The following RERG variants were observed in gnomAD, a reference collection of about 807,000 sequenced individuals.
RERG encodes the protein RAS like estrogen regulated growth inhibitor, also known as ras-related and estrogen-regulated growth inhibitor.
RERG carries 25 observed loss-of-function variants against 23.2 expected under a neutral mutation model. The ratio of observed to expected loss-of-function variants is 1.08; its 90% CI spans 0.79 to 1.50. RERG has a LOEUF of 1.50. RERG is among the 40% of genes most tolerant of loss of function. The pLI is 0.00. For missense variants in RERG, 253 were observed against 250.1 expected (o/e 1.01, Z -0.08); for synonymous variants, 81 against 89.1 (o/e 0.91, Z 0.51).
chr12:15,188,912 G>A (rs1865030660), intron 2 of RERG, among the ~76,000 whole-genome samples: 1 of 152,108 alleles, frequency 6.6e-6, no homozygotes, highest in South Asian at 2.1e-4. Context: ...TATGATGAGA[G>A]ATCACTTGTT....
At chr12:15,214,276 C>T (rs1453933572) in intron 2 of RERG, among the ~76,000 whole-genome samples, 1 of 152,166 alleles carries the variant, frequency 6.6e-6, no homozygotes, top group Non-Finnish European at 1.5e-5. Flanking sequence ...ATTATATGTT[C>T]TTCATAGTTG....
chr12:15,145,508 G>A (rs1864316880), intron 2 of RERG, among the ~76,000 whole-genome samples: 1 of 152,220 alleles, frequency 6.6e-6, no homozygotes, highest in African/African-American at 2.4e-5. Context: ...CTGCAAATGG[G>A]GCCCGGGGTG....
chr12:15,152,291 ACTGACTTGGAATGCTTC>A (rs1326364038), intron 2 of RERG, among the ~76,000 whole-genome samples: 32 of 152,304 alleles, frequency 2.1e-4, no homozygotes, highest in Non-Finnish European at 3.7e-4. Flanking sequence ...TGGCTGTCCT[ACTGACTTGGAATGCTTC>A]AAATGCACCA....
chr12:15,144,949 G>A (rs760691514), intron 2 of RERG, among the ~76,000 whole-genome samples: 3 of 152,218 alleles, frequency 2.0e-5, no homozygotes, highest in Non-Finnish European at 4.4e-5. Flanking sequence ...CAATAATGTG[G>A]AGAAGCATTT....
chr12:15,150,285 C>A (rs1864417973), intron 2 of RERG, among the ~76,000 whole-genome samples: 1 of 152,040 alleles, frequency 6.6e-6, no homozygotes, highest in Non-Finnish European at 1.5e-5. Flanking sequence ...ACAAATTAAA[C>A]AAACAAGCAA....
chr12:15,150,133 A>T (rs1864414449), intron 2 of RERG, among the ~76,000 whole-genome samples: 1 of 152,214 alleles, frequency 6.6e-6, no homozygotes, highest in Non-Finnish European at 1.5e-5. Context: ...TGATATTAGA[A>T]GGGAGCTTAG....
chr12:15,214,474 T>C (rs1865413952), intron 2 of RERG, among the ~76,000 whole-genome samples: 1 of 152,152 alleles, frequency 6.6e-6, no homozygotes, highest in Non-Finnish European at 1.5e-5. Context: ...CTTAAGCCTC[T>C]GAAACAATTC....
At chr12:15,147,278 A>T (rs1864350826) in intron 2 of RERG, among the ~76,000 whole-genome samples, 1 of 152,250 alleles carries the variant, frequency 6.6e-6, no homozygotes, top group South Asian at 2.1e-4. Flanking sequence ...TAAATGATTA[A>T]AATCCAGGTT....
chr12:15,157,651 G>A (rs891264322), intron 2 of RERG, among the ~76,000 whole-genome samples: 8 of 152,122 alleles, frequency 5.3e-5, no homozygotes, highest in African/African-American at 1.4e-4. Context: ...TTCAAAGCAC[G>A]CAAAGATAAC....
intron 2 of RERG, chr12:15,137,781 T>C (rs1302342530): frequency 1.2e-5 from 5 of 416,360 alleles, no homozygotes; most frequent in Admixed American, 8.8e-5. Flanking sequence ...AACAAACTGT[T>C]ATTTGTTAGA....
Position 15,192,415 on chromosome 12 carries a change from C to T in RERG, c.61+25014G>A, listed in dbSNP as rs78430238. Reference sequence around the variant, plus strand: ...AATACAATAATAGCCTAACACAACACCTTACAGTTATTTTTTTACAGGGTT... The same window carrying T: ...AATACAATAATAGCCTAACACAACATCTTACAGTTATTTTTTTACAGGGTT... On this transcript the variant is annotated intron_variant, in intron 2 of 4. Coordinates refer to ENST00000256953, the MANE Select transcript of RERG (RefSeq NM_032918.3). Among the ~76,000 whole-genome samples the T allele has an allele frequency of 6.4e-3, 971 of 152,172 alleles. 8 individuals carry two copies. The highest frequency in any genetic ancestry group is 0.022 in the African/African-American group (907 of 41,504).
chr12:15,161,723 T>C (rs1864618399), intron 2 of RERG, among the ~76,000 whole-genome samples: 1 of 152,180 alleles, frequency 6.6e-6, no homozygotes, highest in Non-Finnish European at 1.5e-5. Flanking sequence ...CAGCTTACTA[T>C]CTGGTGGTAA....
chr12:15,182,920 T>A (rs1864943461), intron 2 of RERG, among the ~76,000 whole-genome samples: 1 of 151,814 alleles, frequency 6.6e-6, no homozygotes, highest in Non-Finnish European at 1.5e-5. Context: ...ACAAAAAAAA[T>A]TAAAACATTA....
At chr12:15,211,319 AC>A (rs1865363351) in intron 2 of RERG, among the ~76,000 whole-genome samples, 1 of 151,562 alleles carries the variant, frequency 6.6e-6, no homozygotes, top group South Asian at 2.1e-4. Context: ...ACACACACAC[AC>A]ACACACACTA....
intron 2 of RERG, among the ~76,000 whole-genome samples, chr12:15,198,074 T>C (rs909092396): frequency 1.3e-5 from 2 of 152,154 alleles, no homozygotes; most frequent in African/African-American, 2.4e-5. Flanking sequence ...GCCTGGCCAC[T>C]CTACGCTTGA....
chr12:15,133,041 CTT>C (rs762390855), intron 2 of RERG, among the ~76,000 whole-genome samples: 4 of 103,348 alleles, frequency 3.9e-5, no homozygotes, highest in Non-Finnish European at 5.7e-5. Context: ...AGTGTGGTAA[CTT>C]TTTTTTTTTT....
chr12:15,135,733 C>A lies in RERG; in HGVS notation c.62-14614G>T, dbSNP rs554985965. On this transcript the variant is annotated intron_variant, in intron 2 of 4. Coordinates refer to ENST00000256953, the MANE Select transcript of RERG (RefSeq NM_032918.3). The stretch of plus-strand genomic sequence containing the variant: ...AATTTTTGAATGTCAACCGGTCTTG[C>A]ATATTTGGAATAAATTCCACTTGGT... Among the ~76,000 whole-genome samples, 102 of 152,144 alleles carry A rather than the reference C, an allele frequency of 6.7e-4. 2 individuals carry two copies. Among genetic ancestry groups the A allele is most frequent in the African/African-American group, 2.2e-3 (93 of 41,486 alleles).
chr12:15,186,248 T>C (rs912142355), intron 2 of RERG, among the ~76,000 whole-genome samples: 1 of 151,714 alleles, frequency 6.6e-6, no homozygotes, highest in Non-Finnish European at 1.5e-5. Context: ...TTTTATATTA[T>C]ATATAAATCA....
At chr12:15,122,241 A>G (rs552333351) in intron 2 of RERG, among the ~76,000 whole-genome samples, 6 of 152,144 alleles carry the variant, frequency 3.9e-5, no homozygotes, top group Non-Finnish European at 7.4e-5. Context: ...TAAAATACCC[A>G]TTATAATGTG....
Sources: allele counts gnomAD v4.1 joint callset (sites outside exome capture counted in the v4.1 genomes callset), GRCh38; gene constraint gnomAD v4.1.1; transcripts MANE v1.5; gene names NCBI Gene and HGNC (gene_info 2026-07-23, HGNC 2026-07-21).